Variants in CILK1 observed in about 807,000 individuals in gnomAD.
CILK1 encodes serine/threonine-protein kinase ICK.
CILK1 carries 47 observed loss-of-function variants against 79.2 expected under a neutral mutation model. That is an observed-to-expected ratio of 0.59 (90% CI 0.47 to 0.76). CILK1 has a LOEUF of 0.76. Ranked by LOEUF, CILK1 falls within the 30% of genes least tolerant of loss-of-function variation. The probability of loss-of-function intolerance (pLI) is 0.00; values close to 1 mark genes in which losing one functional copy is unlikely to be tolerated. For missense variants in CILK1, 660 were observed against 769.5 expected, an observed-to-expected ratio of 0.86 and a Z score of 1.68; for synonymous variants, 266 against 275.9, an observed-to-expected ratio of 0.96 and a Z score of 0.36.
At chr6:53,059,683 T>C (rs1768252757) in intron 1 of CILK1, among the ~76,000 whole-genome samples, 1 of 152,154 alleles carries the variant, frequency 6.6e-6, no homozygotes. Context: ...AAGAGGATTT[T>C]AGATAGGAAG....
chr6:53,034,497 G>C (rs1017540358), intron 3 of CILK1, among the ~76,000 whole-genome samples: 1 of 152,232 alleles, frequency 6.6e-6, no homozygotes, highest in Non-Finnish European at 1.5e-5. Context: ...TGTCAGAGTG[G>C]AGAAGCAGAA....
chr6:53,033,643 G>T (rs1451782455), intron 3 of CILK1, among the ~76,000 whole-genome samples: 1 of 152,196 alleles, frequency 6.6e-6, no homozygotes, highest in Non-Finnish European at 1.5e-5. Context: ...ACATAGAGAA[G>T]AGAGTCCAAT....
At chr6:53,016,648 T>C (rs1328958640) in intron 7 of CILK1, among the ~76,000 whole-genome samples, 1 of 152,174 alleles carries the variant, frequency 6.6e-6, no homozygotes, top group Non-Finnish European at 1.5e-5. Flanking sequence ...CCTGGACAAA[T>C]AAATTTGTGA....
chr6:53,037,801 C>A, intron 3 of CILK1, 138 bp downstream of exon 3: 1 of 635,848 alleles, frequency 1.6e-6, no homozygotes, highest in South Asian at 1.9e-5. Context: ...TCTGCTTCAG[C>A]TGTAATGTTA....
intron 1 of CILK1, among the ~76,000 whole-genome samples, chr6:53,047,403 C>T (rs1017906991): frequency 6.7e-6 from 1 of 149,982 alleles, no homozygotes; most frequent in Non-Finnish European, 1.5e-5. Flanking sequence ...CTCCTAGGCC[C>T]AAGTAATCCT....
intron 2 of CILK1, among the ~76,000 whole-genome samples, chr6:53,039,234 A>G (rs1330557173): frequency 6.6e-6 from 1 of 152,252 alleles, no homozygotes; most frequent in African/African-American, 2.4e-5. Context: ...GAAGGTAGAA[A>G]ATAATTTTCT....
chr6:53,003,339 C>G lies in CILK1; in HGVS notation c.*1810G>C, dbSNP rs1006093550. ...CCTTTGGAAGCCATGGTTATTTGTT[C>G]AGAATGCAACATATTATTAATACAC... On this transcript the variant is annotated 3_prime_UTR_variant, in exon 14 of 14. Coordinates refer to ENST00000676107, the MANE Select transcript of CILK1 (RefSeq NM_014920.5). 1.3e-5 allele frequency: 2 copies of G among 152,202 alleles called. No homozygotes were observed. The highest frequency in any genetic ancestry group is 2.9e-5 in the Non-Finnish European group (2 of 68,020). 9.4% of individuals were successfully genotyped at this position (152,202 alleles called of 1,614,324 possible). A position where few individuals can be genotyped will look rare whatever the true frequency, so the allele number is the denominator to read the frequency against.
At chr6:53,052,950 T>TA (rs1379651571) in intron 1 of CILK1, among the ~76,000 whole-genome samples, 2 of 151,312 alleles carry the variant, frequency 1.3e-5, no homozygotes, top group Non-Finnish European at 2.9e-5. Context: ...TTTTTTTTTT[T>TA]AGCTGTCATT....
rs760018826 is a variant in CILK1, at chr6:53,002,440, T to C, written c.*2709A>G. 5.3e-5 allele frequency: 8 copies of C among 152,202 alleles called. No homozygotes were observed. Among genetic ancestry groups the C allele is most frequent in the Admixed American group, 2.6e-4 (4 of 15,286 alleles). The allele number at this position is 152,202 out of a possible 1,614,324, so 9.4% of individuals were successfully genotyped here. Reference sequence around the variant, plus strand: ...TGGTGTCTTACATTACATTTCATAATTGTATAGTAACAAAAAATAGAGGTA... The same window carrying C: ...TGGTGTCTTACATTACATTTCATAACTGTATAGTAACAAAAAATAGAGGTA... On this transcript the variant is annotated 3_prime_UTR_variant, in exon 14 of 14. Coordinates refer to ENST00000676107, the MANE Select transcript of CILK1 (RefSeq NM_014920.5).
intron 8 of CILK1, among the ~76,000 whole-genome samples, chr6:53,014,260 C>A (rs1345236215): frequency 6.6e-6 from 1 of 152,172 alleles, no homozygotes; most frequent in Non-Finnish European, 1.5e-5. Context: ...CAACACAGAT[C>A]CTGGTTTTGT....
chr6:53,018,013 C>A (rs749880735), intron 7 of CILK1, among the ~76,000 whole-genome samples: 8 of 152,114 alleles, frequency 5.3e-5, no homozygotes, highest in African/African-American at 1.7e-4. Flanking sequence ...AGGGAGGCAG[C>A]GGCTAAGGAT....
At chr6:53,043,660 G>GT (rs1766862042) in intron 1 of CILK1, among the ~76,000 whole-genome samples, 1 of 152,076 alleles carries the variant, frequency 6.6e-6, no homozygotes, top group African/African-American at 2.4e-5. Flanking sequence ...CACCTTCTGT[G>GT]TGACAGATCC....
chr6:53,010,239 T>C (rs1167437149), intron 11 of CILK1, among the ~76,000 whole-genome samples: 1 of 152,216 alleles, frequency 6.6e-6, no homozygotes, highest in African/African-American at 2.4e-5. Context: ...CAGGCCAATC[T>C]TCTAAGAACA....
In CILK1 at chr6:53,004,277, A is replaced by G. The variant is rs1764092611; in HGVS notation, c.*872T>C. 6.6e-6 allele frequency: 1 copy of G among 152,300 alleles called. No homozygotes were observed. The highest frequency in any genetic ancestry group is 1.5e-5 in the Non-Finnish European group (1 of 68,036). 9.4% of individuals were successfully genotyped at this position (152,300 alleles called of 1,614,324 possible). ...TGCTTTGATACTTAGTTTTTTGGCC[A>G]TGCATCTTGGCAGGAATGTAAGTTT... On this transcript the variant is annotated 3_prime_UTR_variant, in exon 14 of 14. Coordinates refer to ENST00000676107, the MANE Select transcript of CILK1 (RefSeq NM_014920.5).
intron 1 of CILK1, among the ~76,000 whole-genome samples, chr6:53,047,411 C>A (rs1767155971): frequency 6.6e-6 from 1 of 150,794 alleles, no homozygotes; most frequent in African/African-American, 2.4e-5. Flanking sequence ...CCCAAGTAAT[C>A]CTCCCACCTC....
intron 1 of CILK1, among the ~76,000 whole-genome samples, chr6:53,050,421 TTGTG>T (rs538760776): frequency 2.3e-4 from 34 of 150,914 alleles, no homozygotes; most frequent in African/African-American, 4.1e-4. Context: ...TTACTTGCAT[TTGTG>T]TGTGTGTGTG....
chr6:53,047,900 C>CG (rs371921805), intron 1 of CILK1, among the ~76,000 whole-genome samples: 54 of 151,656 alleles, frequency 3.6e-4, no homozygotes, highest in African/African-American at 1.3e-3. Context: ...TCTGTTTTCT[C>CG]GGGGGCTGAA....
chr6:53,027,929 C>T (rs543444174), intron 5 of CILK1, among the ~76,000 whole-genome samples: 2 of 152,100 alleles, frequency 1.3e-5, no homozygotes, highest in Non-Finnish European at 2.9e-5. Flanking sequence ...GGGTGGATCA[C>T]GAGGTCAGGA....
chr6:53,047,026 T>C (rs1767122671), intron 1 of CILK1, among the ~76,000 whole-genome samples: 1 of 152,222 alleles, frequency 6.6e-6, no homozygotes, highest in African/African-American at 2.4e-5. Flanking sequence ...AGGCACAGCC[T>C]AATGTTTCTC....
Sources: allele counts gnomAD v4.1 joint callset (sites outside exome capture counted in the v4.1 genomes callset), GRCh38; gene constraint gnomAD v4.1.1; transcripts MANE v1.5; gene names NCBI Gene and HGNC (gene_info 2026-07-23, HGNC 2026-07-21).